Variants in ATP11B observed in about 807,000 individuals in gnomAD.
ATP11B encodes the protein ATPase phospholipid transporting 11B (putative), also known as phospholipid-transporting ATPase IF.
Under a neutral mutation model 157.8 loss-of-function variants are expected in ATP11B, and 81 were observed. The ratio of observed to expected loss-of-function variants is 0.51; its 90% CI spans 0.43 to 0.62. ATP11B has a LOEUF of 0.62. Among genes scored for constraint, ATP11B ranks in the 20% least tolerant of loss-of-function variants. ATP11B has a pLI of 0.00. For missense variants in ATP11B, 1,165 were observed against 1,402.2 expected (o/e 0.83, Z 2.70); for synonymous variants, 451 against 469.4 (o/e 0.96, Z 0.51).
intron 10 of ATP11B, among the ~76,000 whole-genome samples, chr3:182,849,949 A>G (rs550364721): frequency 6.6e-6 from 1 of 152,220 alleles, no homozygotes; most frequent in Non-Finnish European, 1.5e-5. Flanking sequence ...ACCCACACCA[A>G]AGCACATCAT....
At chr3:182,879,976 T>C (rs1722309490) in intron 20 of ATP11B, among the ~76,000 whole-genome samples, 1 of 152,236 alleles carries the variant, frequency 6.6e-6, no homozygotes, top group Non-Finnish European at 1.5e-5. Context: ...TATTTGCACC[T>C]TCAGATGGTT....
Position 182,919,544 on chromosome 3 carries a change from AAAT to A in ATP11B, c.*1444_*1446del, listed in dbSNP as rs1453804071. The A allele has an allele frequency of 6.6e-6, 1 of 152,486 alleles. No homozygotes were observed. Among genetic ancestry groups the A allele is most frequent in the Non-Finnish European group, 1.5e-5 (1 of 68,028 alleles). The allele number at this position is 152,486 out of a possible 1,614,324, so 9.4% of individuals were successfully genotyped here. On this transcript the variant is annotated 3_prime_UTR_variant, in exon 30 of 30. Transcript: ENST00000323116. ...TGAGAACTATTACCCAGCTCTAAGC[AAAT>A]AATGATTGTATACATATTAAGATAA... is the stretch of plus-strand genomic sequence containing the variant.
chr3:182,889,360 CA>C, intron 24 of ATP11B, 49 bp from the exon 25 acceptor site: 2 of 1,305,336 alleles, frequency 1.5e-6, no homozygotes, highest in Non-Finnish European at 2.1e-6. Flanking sequence ...GTTTAGTGGG[CA>C]AATAATAAAT....
chr3:182,896,153 G>A (rs964881208), intron 25 of ATP11B, among the ~76,000 whole-genome samples: 5 of 152,244 alleles, frequency 3.3e-5, no homozygotes, highest in African/African-American at 1.2e-4. Context: ...AAAGCCCAGG[G>A]GAAACTTTCT....
At chr3:182,864,914 T>C (rs1404828707) in intron 12 of ATP11B, among the ~76,000 whole-genome samples, 1 of 152,200 alleles carries the variant, frequency 6.6e-6, no homozygotes, top group African/African-American at 2.4e-5. Flanking sequence ...TGTTTTTTTC[T>C]TTTAAACATC....
chr3:182,812,043 A>G (rs1006219672), intron 1 of ATP11B, among the ~76,000 whole-genome samples: 4 of 151,928 alleles, frequency 2.6e-5, no homozygotes, highest in Non-Finnish European at 5.9e-5. Context: ...TTTTTTTTGC[A>G]TTAATTCTTG....
chr3:182,845,010 TTTTTTA>T (rs1560081904), intron 8 of ATP11B, among the ~76,000 whole-genome samples: 7 of 68,244 alleles, frequency 1.0e-4, no homozygotes, highest in African/African-American at 2.1e-4. Context: ...TTTTTTATTT[TTTTTTA>T]TTTTTGAGAT....
chr3:182,815,357 A>C (rs1716907770), intron 1 of ATP11B, among the ~76,000 whole-genome samples: 1 of 152,166 alleles, frequency 6.6e-6, no homozygotes, highest in East Asian at 1.9e-4. Flanking sequence ...TGGTACCTTT[A>C]TATAGGTATA....
In ATP11B at chr3:182,829,661, T is replaced by C; in HGVS notation, c.235-11T>C. 6.4e-7 allele frequency: 1 copy of C among 1,553,382 alleles called. No individual in the cohort carries two copies. Among genetic ancestry groups the C allele is most frequent in the Non-Finnish European group, 8.8e-7 (1 of 1,134,230 alleles). ...AAATATAATATTCTGTATTCTTTTTTATAAATCTAGCTTATGATTGATACA... is the reference window on the plus strand; with the variant it reads ...AAATATAATATTCTGTATTCTTTTTCATAAATCTAGCTTATGATTGATACA... On this transcript the variant is annotated splice_polypyrimidine_tract_variant and intron_variant, in intron 3 of 29. Transcript: ENST00000323116.
chr3:182,859,062 G>T, intron 11 of ATP11B, 100 bp from the exon 12 acceptor site: 1 of 704,094 alleles, frequency 1.4e-6, no homozygotes, highest in Non-Finnish European at 2.3e-6. Context: ...TATAGTTGAT[G>T]GTCTATGTAG....
rs758930857 is a variant in ATP11B at position 182,828,226 on chromosome 3, A to G, written c.234+17A>G. ...TTGGTTCAGGTAAGCTTTATTACTC[A>G]ATCTTAAGTTTGTAAACATAGTTTC... On this transcript the variant is annotated intron_variant, in intron 3 of 29. Transcript: ENST00000323116. 1.7e-6 allele frequency: 2 copies of G among 1,201,978 alleles called. No individual in the cohort carries two copies. Among genetic ancestry groups the G allele is most frequent in the Admixed American group, 2.4e-5 (1 of 41,222 alleles). 74.5% of individuals were successfully genotyped at this position (1,201,978 alleles called of 1,614,324 possible).
intron 1 of ATP11B, 37 bp downstream of exon 1, chr3:182,793,823 C>A: frequency 7.9e-7 from 1 of 1,272,704 alleles, no homozygotes; most frequent in Non-Finnish European, 1.0e-6. Context: ...ATTCGTCCGC[C>A]CCCGCGGGGC....
intron 28 of ATP11B, among the ~76,000 whole-genome samples, chr3:182,912,276 T>C (rs1724847344): frequency 6.6e-6 from 1 of 152,110 alleles, no homozygotes; most frequent in Non-Finnish European, 1.5e-5. Context: ...TGCTGGTTGG[T>C]GGGTGGGGGT....
At chr3:182,864,695 C>A (rs944122434) in intron 12 of ATP11B, among the ~76,000 whole-genome samples, 1 of 151,914 alleles carries the variant, frequency 6.6e-6, no homozygotes, top group Non-Finnish European at 1.5e-5. Context: ...TCTGTAGCTT[C>A]TTTTCTTGTG....
At chr3:182,833,885 C>T (rs1023133472) in intron 4 of ATP11B, 3 of 152,148 alleles carry the variant, frequency 2.0e-5, no homozygotes, top group African/African-American at 7.2e-5. Context: ...GTAAGTCTAA[C>T]TAATGTTTGA....
At chr3:182,855,510 C>G (rs1720326884) in intron 10 of ATP11B, among the ~76,000 whole-genome samples, 1 of 151,954 alleles carries the variant, frequency 6.6e-6, no homozygotes, top group Non-Finnish European at 1.5e-5. Context: ...ATTCCTAAAT[C>G]AAAAAAATTA....
intron 5 of ATP11B, 23 bp downstream of exon 5, chr3:182,836,165 A>G (rs1283034459): frequency 6.3e-7 from 1 of 1,596,492 alleles, no homozygotes; most frequent in Admixed American, 1.7e-5. Context: ...TAAATAATGG[A>G]AATCAACTTT....
intron 4 of ATP11B, among the ~76,000 whole-genome samples, chr3:182,833,452 A>G (rs535732201): frequency 1.3e-5 from 2 of 152,060 alleles, no homozygotes; most frequent in South Asian, 4.2e-4. Context: ...CAGCCTACCA[A>G]ATAGCTGGGA....
chr3:182,849,932 T>C (rs1457332999), intron 10 of ATP11B, among the ~76,000 whole-genome samples: 2 of 151,834 alleles, frequency 1.3e-5, no homozygotes, highest in East Asian at 1.9e-4. Flanking sequence ...TAAAGAAATA[T>C]AAAGAAACCC....
Sources: allele counts gnomAD v4.1 joint callset (sites outside exome capture counted in the v4.1 genomes callset), GRCh38; gene constraint gnomAD v4.1.1; transcripts MANE v1.5; gene names NCBI Gene and HGNC (gene_info 2026-07-23, HGNC 2026-07-21).